The following ANKRD44 variants were observed in gnomAD, a reference collection of about 807,000 sequenced individuals.
ANKRD44 encodes the protein ankyrin repeat domain 44.
In ANKRD44, 35 loss-of-function variants were observed where a neutral mutation model predicts 116.0. The ratio of observed to expected loss-of-function variants is 0.30; its 90% CI spans 0.23 to 0.40. ANKRD44 has a LOEUF of 0.40. Ranked by LOEUF, ANKRD44 falls within the 10% of genes least tolerant of loss-of-function variation. The probability of loss-of-function intolerance (pLI) is 1.00; values close to 1 mark genes in which losing one functional copy is unlikely to be tolerated. For synonymous variants in ANKRD44, 435 were observed against 461.8 expected, an observed-to-expected ratio of 0.94 and a Z score of 0.74; for missense variants, 1,014 against 1,242.6, an observed-to-expected ratio of 0.82 and a Z score of 2.77.
At chr2:197,246,666 T>A (rs1158554617) in intron 1 of ANKRD44, among the ~76,000 whole-genome samples, 1 of 152,132 alleles carries the variant, frequency 6.6e-6, no homozygotes, top group East Asian at 1.9e-4. Flanking sequence ...GCTAGATTTA[T>A]CTTCCTGACA....
At chr2:197,172,958 A>G (rs1413451199) in intron 2 of ANKRD44, among the ~76,000 whole-genome samples, 1 of 152,218 alleles carries the variant, frequency 6.6e-6, no homozygotes, top group Non-Finnish European at 1.5e-5. Flanking sequence ...AATAGAAGTG[A>G]AACAGCCAAG....
At position 197,150,982 on chromosome 2, in the gene ANKRD44, G is replaced by C. The variant is rs1301041623; in HGVS notation, c.112-3877C>G. On this transcript the variant is annotated intron_variant, in intron 2 of 27. Transcript: ENST00000282272. ...TGCCTTGTCCCGGGTTCTTGGTAGG[G>C]GAATAAAAATGTTTCCACTGAGCAT... Among the ~76,000 whole-genome samples, 3 of 152,082 alleles carry C rather than the reference G, an allele frequency of 2.0e-5. No homozygotes were observed. The East Asian group carries it at 5.8e-4, about 29-fold the overall frequency.
intron 8 of ANKRD44, among the ~76,000 whole-genome samples, chr2:197,117,932 C>T (rs745494063): frequency 1.3e-5 from 2 of 152,112 alleles, no homozygotes; most frequent in Non-Finnish European, 2.9e-5. Flanking sequence ...ACATGCTCTG[C>T]CAGGTGCAGT....
intron 1 of ANKRD44, among the ~76,000 whole-genome samples, chr2:197,191,960 G>GA (rs1163973703): frequency 1.3e-5 from 2 of 151,998 alleles, no homozygotes; most frequent in African/African-American, 4.8e-5. Flanking sequence ...TCAATTCCAT[G>GA]AAAAAAATAT....
chr2:197,139,583 A>T (rs1208790309), intron 3 of ANKRD44, among the ~76,000 whole-genome samples: 1 of 152,058 alleles, frequency 6.6e-6, no homozygotes, highest in East Asian at 1.9e-4. Context: ...GAGTACCCAT[A>T]CAGCTGCAAC....
rs1024888118 is a variant in ANKRD44, at chr2:197,211,980, T to C, written c.28-24874A>G. Among the ~76,000 whole-genome samples the C allele has an allele frequency of 2.0e-5, 3 of 151,904 alleles. No homozygotes were observed. The East Asian group carries it at 5.8e-4, about 29-fold the overall frequency. ...CAACACTCCGGTGATGAAGGGCTAG[T>C]AATCAACAGTAAGCTCATGCACGGG... On this transcript the variant is annotated intron_variant, in intron 1 of 27. Transcript: ENST00000282272.
At chr2:197,034,662 T>C (rs1275410390) in intron 16 of ANKRD44, among the ~76,000 whole-genome samples, 1 of 151,994 alleles carries the variant, frequency 6.6e-6, no homozygotes, top group East Asian at 1.9e-4. Context: ...TTCACGAAGG[T>C]TCTACGTAGA....
chr2:197,183,257 G>A (rs2080561338), intron 2 of ANKRD44, among the ~76,000 whole-genome samples: 1 of 152,062 alleles, frequency 6.6e-6, no homozygotes, highest in African/African-American at 2.4e-5. Context: ...TGAGGGCAGG[G>A]AAAGGTGAAA....
At chr2:197,127,946 G>A (rs2079013695) in intron 4 of ANKRD44, among the ~76,000 whole-genome samples, 1 of 152,140 alleles carries the variant, frequency 6.6e-6, no homozygotes, top group East Asian at 1.9e-4. Flanking sequence ...GAGTTAGTTT[G>A]CTAAGGACAA....
Position 197,192,412 on chromosome 2 carries a change from T to C in ANKRD44, c.28-5306A>G, listed in dbSNP as rs185647249. Among the ~76,000 whole-genome samples the C allele has an allele frequency of 2.5e-3, 374 of 152,318 alleles. 1 individual carries two copies. Among genetic ancestry groups the C allele is most frequent in the African/African-American group, 8.1e-3 (336 of 41,574 alleles). On this transcript the variant is annotated intron_variant, in intron 1 of 27. Transcript: ENST00000282272. ...TTTGCATTCCAATCAGAAATGGGTGTTGGGAATCAATCAATAGCCAAGAAG... is the reference window on the plus strand; with the variant it reads ...TTTGCATTCCAATCAGAAATGGGTGCTGGGAATCAATCAATAGCCAAGAAG...
At chr2:197,013,784 G>T in intron 17 of ANKRD44, 72 bp from the exon 18 acceptor site, 1 of 1,532,824 alleles carries the variant, frequency 6.5e-7, no homozygotes, top group South Asian at 1.1e-5. Context: ...CACAGGAGGG[G>T]CTGGGCTTCC....
At chr2:197,123,194 A>T (rs536863964) in intron 6 of ANKRD44, among the ~76,000 whole-genome samples, 2 of 103,594 alleles carry the variant, frequency 1.9e-5, no homozygotes, top group South Asian at 4.0e-4. Context: ...TTCAGTTAGG[A>T]AAAACTGATA....
intron 21 of ANKRD44, among the ~76,000 whole-genome samples, chr2:196,975,628 A>T (rs540773964): frequency 9.3e-5 from 14 of 151,048 alleles, no homozygotes; most frequent in African/African-American, 3.4e-4. Context: ...TTTTTTTTAA[A>T]AAAAATACAA....
intron 1 of ANKRD44, among the ~76,000 whole-genome samples, chr2:197,247,666 A>G (rs549863629): frequency 6.6e-6 from 1 of 152,314 alleles, no homozygotes; most frequent in South Asian, 2.1e-4. Context: ...TTGGCTGATG[A>G]GGAAACTGAG....
At chr2:197,082,704 T>C (rs1483175533) in intron 14 of ANKRD44, among the ~76,000 whole-genome samples, 1 of 152,210 alleles carries the variant, frequency 6.6e-6, no homozygotes, top group Non-Finnish European at 1.5e-5. Flanking sequence ...AATAATTCAA[T>C]AGTTCTTCAA....
chr2:197,119,933 G>C (rs2078813220), intron 8 of ANKRD44, among the ~76,000 whole-genome samples: 1 of 152,186 alleles, frequency 6.6e-6, no homozygotes, highest in Non-Finnish European at 1.5e-5. Context: ...AAGTTACCTA[G>C]AGGTTTTCCT....
At chr2:197,086,538 G>A in intron 13 of ANKRD44, 142 bp downstream of exon 13, 1 of 695,582 alleles carries the variant, frequency 1.4e-6, no homozygotes, top group Non-Finnish European at 2.4e-6. Context: ...CAACCTCTAT[G>A]AGAAGGGACT....
chr2:197,159,710 T>C (rs530222690), intron 2 of ANKRD44, among the ~76,000 whole-genome samples: 1 of 152,354 alleles, frequency 6.6e-6, no homozygotes, highest in East Asian at 1.9e-4. Context: ...TGCCAAGTAC[T>C]GTTCTATACA....
At chr2:197,216,466 G>A (rs1294893588) in intron 1 of ANKRD44, among the ~76,000 whole-genome samples, 2 of 152,146 alleles carry the variant, frequency 1.3e-5, no homozygotes, top group African/African-American at 4.8e-5. Context: ...CATTTTAGGA[G>A]CTGTCCCTCC....
Sources: gnomAD v4.1 joint callset for allele counts (sites outside exome capture counted in the v4.1 genomes callset) on GRCh38, gnomAD v4.1.1 for gene constraint, MANE v1.5 for transcripts, NCBI Gene and HGNC (gene_info 2026-07-23, HGNC 2026-07-21) for gene names.